The following NF2 variants were observed in gnomAD, a reference collection of about 807,000 sequenced individuals.
The protein encoded by NF2 is NF2, moesin-ezrin-radixin like (MERLIN) tumor suppressor, also known as merlin.
In NF2, 8 loss-of-function variants were observed where a neutral mutation model predicts 83.7. The ratio of observed to expected loss-of-function variants is 0.10; its 90% CI spans 0.06 to 0.17. NF2 has a LOEUF of 0.17. NF2 is among the 10% of genes least tolerant of loss of function. NF2 has a pLI of 1.00. For synonymous variants in NF2, 266 were observed against 269.6 expected (o/e 0.99, Z 0.13); for missense variants, 533 against 744.4 (o/e 0.72, Z 3.31).
intron 4 of NF2, among the ~76,000 whole-genome samples, chr22:29,652,180 C>G (rs568334948): frequency 5.2e-4 from 79 of 152,262 alleles, no homozygotes; most frequent in Non-Finnish European, 9.7e-4. Context: ...CAGCACCCCC[C>G]CACTTCCCTT....
intron 4 of NF2, among the ~76,000 whole-genome samples, chr22:29,643,773 G>A (rs1429054699): frequency 6.6e-6 from 1 of 152,124 alleles, no homozygotes; most frequent in Non-Finnish European, 1.5e-5. Flanking sequence ...AGCCGCCATT[G>A]TCATCCTGGC....
chr22:29,671,731 A>G, intron 10 of NF2, 95 bp from the exon 11 acceptor site: 2 of 1,581,540 alleles, frequency 1.3e-6, no homozygotes, highest in Non-Finnish European at 1.7e-6. Context: ...AAGGTCCCAA[A>G]AGGGGAGACT....
intron 1 of NF2, among the ~76,000 whole-genome samples, chr22:29,627,364 C>T (rs2065393418): frequency 6.6e-6 from 1 of 152,134 alleles, no homozygotes; most frequent in Non-Finnish European, 1.5e-5. Context: ...ATGTTGTGAG[C>T]TAAATTCCAA....
chr22:29,688,291 C>T (rs2067316284), intron 15 of NF2, among the ~76,000 whole-genome samples: 2 of 152,194 alleles, frequency 1.3e-5, no homozygotes, highest in Admixed American at 1.3e-4. Flanking sequence ...ACACCCTGTT[C>T]GGCCCCTCGG....
At chr22:29,669,692 G>A (rs551542148) in intron 10 of NF2, among the ~76,000 whole-genome samples, 1 of 152,288 alleles carries the variant, frequency 6.6e-6, no homozygotes, top group South Asian at 2.1e-4. Flanking sequence ...CTGCAGATCG[G>A]CACTGCTTAC....
intron 15 of NF2, among the ~76,000 whole-genome samples, chr22:29,690,209 C>T (rs2067369436): frequency 6.6e-6 from 1 of 152,222 alleles, no homozygotes; most frequent in African/African-American, 2.4e-5. Flanking sequence ...GTTGAAGATG[C>T]AGATTGCATG....
rs555860463 is a variant in NF2, at chr22:29,644,814, G to C, written c.447+2529G>C. ...CGCGCGCCTGCAATTGCAGGCACTC[G>C]GCAGGCTGAGGCAGGAGAATCAGGC... On this transcript the variant is annotated intron_variant, in intron 4 of 15. Transcript: ENST00000338641. Among the ~76,000 whole-genome samples the C allele has an allele frequency of 6.8e-4, 103 of 152,244 alleles. 3 individuals are homozygous for C. In the South Asian group the frequency reaches 0.021, roughly 30 times the overall value.
intron 10 of NF2, among the ~76,000 whole-genome samples, chr22:29,671,459 G>A (rs560208802): frequency 1.3e-5 from 2 of 152,256 alleles, no homozygotes; most frequent in African/African-American, 4.8e-5. Flanking sequence ...AACCTGGGAG[G>A]CGGAGGTTGC....
In NF2 at chr22:29,673,439, G is replaced by A. The variant is rs1340711783; in HGVS notation, c.1293G>A (p.Leu431=). The part of the protein sequence containing the change: ...EEKRLMEQKV[L]EAEVLALKMA... ...AGCGCCTGATGGAGCAGAAGGTGCT[G>A]GAAGCCGAGGTGCTGGCACTGAAGA... is the stretch of plus-strand genomic sequence containing the variant. The change falls in exon 12 of 16, where the codon CTG becomes CTA. Residue 431 remains leucine, a synonymous_variant. Coordinates refer to ENST00000338641, the MANE Select transcript of NF2 (RefSeq NM_000268.4). The A allele has an allele frequency of 6.2e-7, 1 of 1,612,330 alleles. No individual in the cohort carries two copies. The highest frequency in any genetic ancestry group is 1.7e-5 in the Admixed American group (1 of 59,840).
At chr22:29,604,336 G>T (rs2064727455) in intron 1 of NF2, among the ~76,000 whole-genome samples, 1 of 152,196 alleles carries the variant, frequency 6.6e-6, no homozygotes, top group African/African-American at 2.4e-5. Context: ...GAAGAAGCTG[G>T]ATGCTCCTGT....
chr22:29,644,306 C>T (rs2065914045), intron 4 of NF2, among the ~76,000 whole-genome samples: 1 of 148,370 alleles, frequency 6.7e-6, no homozygotes. Flanking sequence ...GAGGCGCTCC[C>T]CACATCCCAG....
intron 4 of NF2, among the ~76,000 whole-genome samples, chr22:29,652,053 T>C (rs192067856): frequency 7.7e-4 from 117 of 152,268 alleles, no homozygotes; most frequent in African/African-American, 2.6e-3. Context: ...CTGTATTGTT[T>C]TACTTCATCC....
chr22:29,667,236 CT>C (rs1001709301), intron 9 of NF2, among the ~76,000 whole-genome samples: 19 of 146,484 alleles, frequency 1.3e-4, no homozygotes, highest in East Asian at 4.0e-4. Context: ...ATCAAATGAA[CT>C]TTTTTTTTTT....
intron 10 of NF2, among the ~76,000 whole-genome samples, chr22:29,668,847 G>T (rs1480903192): frequency 6.6e-6 from 1 of 152,234 alleles, no homozygotes; most frequent in Non-Finnish European, 1.5e-5. Context: ...TGGCATTTCA[G>T]TGCTTGCGGC....
intron 1 of NF2, among the ~76,000 whole-genome samples, chr22:29,626,527 T>C (rs1351909843): frequency 6.6e-6 from 1 of 152,198 alleles, no homozygotes; most frequent in African/African-American, 2.4e-5. Flanking sequence ...AGTTTTATTA[T>C]CATTGATGAC....
chr22:29,669,670 A>G (rs2066724040), intron 10 of NF2, among the ~76,000 whole-genome samples: 1 of 152,256 alleles, frequency 6.6e-6, no homozygotes, highest in South Asian at 2.1e-4. Flanking sequence ...CTGGCAGAGA[A>G]TAGCAGGAAC....
chr22:29,620,757 C>A (rs574959683), intron 1 of NF2, among the ~76,000 whole-genome samples: 32 of 151,660 alleles, frequency 2.1e-4, no homozygotes, highest in Admixed American at 2.1e-3. Context: ...GGTCTCCCTA[C>A]GTTGGTTGCT....
chr22:29,624,919 CTCTTTCTTTCTT>C (rs553444447), intron 1 of NF2, among the ~76,000 whole-genome samples: 13 of 144,120 alleles, frequency 9.0e-5, no homozygotes, highest in East Asian at 2.1e-4. Flanking sequence ...CTCTCTCTCT[CTCTTTCTTTCTT>C]TCTTTCTTTC....
At chr22:29,671,153 A>G (rs1033365227) in intron 10 of NF2, among the ~76,000 whole-genome samples, 8 of 152,256 alleles carry the variant, frequency 5.3e-5, no homozygotes, top group East Asian at 3.9e-4. Flanking sequence ...ATTGCATCCC[A>G]TCGGCCATGG....
Sources: allele counts gnomAD v4.1 joint callset (sites outside exome capture counted in the v4.1 genomes callset), GRCh38; gene constraint gnomAD v4.1.1; transcripts MANE v1.5; gene names NCBI Gene and HGNC (gene_info 2026-07-23, HGNC 2026-07-21).